NT5M: variants seen among roughly 807,000 people sequenced by gnomAD.
NT5M encodes the protein 5',3'-nucleotidase, mitochondrial, also known as 5'(3')-deoxyribonucleotidase, mitochondrial.
A neutral mutation model predicts 22.2 loss-of-function variants in NT5M; 22 were observed. That is an observed-to-expected ratio of 0.99 (90% CI 0.71 to 1.41). NT5M has a LOEUF of 1.41. Ranked by LOEUF, NT5M falls within the 40% of genes most tolerant of loss-of-function variation. The pLI, the probability that NT5M is intolerant of heterozygous loss-of-function variation, is 0.00. For synonymous variants in NT5M, 167 were observed against 133.0 expected, an observed-to-expected ratio of 1.26 and a Z score of -1.76; for missense variants, 322 against 314.8, an observed-to-expected ratio of 1.02 and a Z score of -0.17.
At chr17:17,315,659 G>T (rs2145345265) in intron 2 of NT5M, among the ~76,000 whole-genome samples, 1 of 151,744 alleles carries the variant, frequency 6.6e-6, no homozygotes, top group East Asian at 1.9e-4. Flanking sequence ...TGGACAGCTG[G>T]CACTGGAACT....
At chr17:17,338,724 GTA>G (rs2049575892) in intron 3 of NT5M, among the ~76,000 whole-genome samples, 1 of 86,312 alleles carries the variant, frequency 1.2e-5, no homozygotes, top group Admixed American at 1.1e-4. Context: ...AATGTCATTG[GTA>G]TTTTTTTTTT....
chr17:17,344,205 TA>T (rs2049708539), intron 3 of NT5M, among the ~76,000 whole-genome samples: 1 of 152,172 alleles, frequency 6.6e-6, no homozygotes, highest in South Asian at 2.1e-4. Flanking sequence ...CGCTGTGTGC[TA>T]GGGGTGCCCC....
chr17:17,322,184 A>G (rs2049164985), intron 2 of NT5M, among the ~76,000 whole-genome samples: 1 of 152,106 alleles, frequency 6.6e-6, no homozygotes, highest in Admixed American at 6.6e-5. Context: ...GTAACTGGCA[A>G]TGGTAGGTGA....
intron 3 of NT5M, among the ~76,000 whole-genome samples, chr17:17,333,868 C>CT (rs1448924426): frequency 1.0e-4 from 15 of 145,836 alleles, no homozygotes; most frequent in African/African-American, 3.8e-4. Context: ...GAGTCTCACT[C>CT]TGTCACCCAG....
At chr17:17,329,185 A>T (rs976446896) in intron 3 of NT5M, among the ~76,000 whole-genome samples, 10 of 152,090 alleles carry the variant, frequency 6.6e-5, no homozygotes, top group African/African-American at 2.4e-4. Flanking sequence ...TCACTGTGTT[A>T]GCCAGGATGG....
intron 1 of NT5M, among the ~76,000 whole-genome samples, chr17:17,305,757 A>G (rs1353192682): frequency 2.0e-5 from 3 of 152,000 alleles, no homozygotes; most frequent in African/African-American, 7.3e-5. Context: ...CTGACCCTAG[A>G]AAAGGTGCTG....
intron 2 of NT5M, among the ~76,000 whole-genome samples, chr17:17,321,757 G>A (rs921629668): frequency 1.3e-5 from 2 of 151,898 alleles, no homozygotes; most frequent in Non-Finnish European, 2.9e-5. Context: ...TGGAGGATGA[G>A]AAGCACAAGC....
At chr17:17,343,366 AGGTTGTCGTGGGT>A (rs67705411) in intron 3 of NT5M, among the ~76,000 whole-genome samples, 23 of 152,062 alleles carry the variant, frequency 1.5e-4, no homozygotes, top group Non-Finnish European at 2.9e-4. Flanking sequence ...CAGTGAGAGG[AGGTTGTCGTGGGT>A]GGGCGTGGCA....
intron 2 of NT5M, among the ~76,000 whole-genome samples, chr17:17,307,803 A>G (rs1050884764): frequency 2.6e-5 from 4 of 152,242 alleles, no homozygotes; most frequent in Non-Finnish European, 5.9e-5. Context: ...TTGCACGGTG[A>G]GCCAAGATCG....
intron 2 of NT5M, among the ~76,000 whole-genome samples, chr17:17,316,531 A>G (rs1028848223): frequency 1.3e-5 from 2 of 150,298 alleles, no homozygotes; most frequent in Non-Finnish European, 3.0e-5. Flanking sequence ...GCCCGCCACC[A>G]CACCTGGCTA....
chr17:17,316,097 C>A (rs2049022700), intron 2 of NT5M, among the ~76,000 whole-genome samples: 1 of 146,380 alleles, frequency 6.8e-6, no homozygotes, highest in African/African-American at 2.6e-5. Context: ...CTCTGTCCCC[C>A]AGGCTGTAGT....
chr17:17,308,692 C>T (rs1403602795), intron 2 of NT5M, among the ~76,000 whole-genome samples: 6 of 152,140 alleles, frequency 3.9e-5, no homozygotes, highest in Non-Finnish European at 5.9e-5. Context: ...TCATCATATC[C>T]GCTTCAGAGC....
chr17:17,341,353 G>A (rs2049637356), intron 3 of NT5M, among the ~76,000 whole-genome samples: 1 of 152,178 alleles, frequency 6.6e-6, no homozygotes, highest in South Asian at 2.1e-4. Context: ...GCAACACTGT[G>A]AGGAAACTGA....
rs59562287 is a variant in NT5M at position 17,322,083 on chromosome 17, A to G, written c.369-1102A>G. On this transcript the variant is annotated intron_variant, in intron 2 of 4. Coordinates refer to ENST00000389022, the MANE Select transcript of NT5M (RefSeq NM_020201.4). ...GATCTGTACCTATGCACACACATAT[A>G]TGTGGACATGTGTGTGTCAAGTCAC... Among the ~76,000 whole-genome samples, 881 of 152,174 alleles carry G rather than the reference A, an allele frequency of 5.8e-3. 6 individuals carry two copies. Among genetic ancestry groups the G allele is most frequent in the African/African-American group, 0.02 (840 of 41,500 alleles).
chr17:17,323,493 G>A (rs2049199100), intron 3 of NT5M, among the ~76,000 whole-genome samples: 1 of 152,254 alleles, frequency 6.6e-6, no homozygotes, highest in Non-Finnish European at 1.5e-5. Flanking sequence ...GGCCTTTGAA[G>A]GGTGAGAACC....
chr17:17,323,072 G>T, intron 2 of NT5M, 113 bp from the exon 3 acceptor site: 1 of 849,246 alleles, frequency 1.2e-6, no homozygotes, highest in Non-Finnish European at 2.1e-6. Flanking sequence ...CCACAGCAGG[G>T]GAAGGGTTCA....
intron 4 of NT5M, 45 bp from the exon 5 acceptor site, chr17:17,346,760 T>C (rs1354140142): frequency 4.4e-6 from 7 of 1,602,050 alleles, no homozygotes; most frequent in Non-Finnish European, 5.1e-6. Flanking sequence ...GCGGCTGCGC[T>C]CCAGGTCTCC....
intron 2 of NT5M, among the ~76,000 whole-genome samples, chr17:17,315,338 T>G (rs532392698): frequency 6.6e-6 from 1 of 152,268 alleles, no homozygotes; most frequent in East Asian, 1.9e-4. Flanking sequence ...ATAACACACC[T>G]AAGGTCTCCA....
chr17:17,344,114 C>T (rs1294970830), intron 3 of NT5M, among the ~76,000 whole-genome samples: 2 of 152,048 alleles, frequency 1.3e-5, no homozygotes, highest in East Asian at 1.9e-4. Flanking sequence ...TGCTCCCTGC[C>T]CCCCGGGGAG....
Sources: allele counts gnomAD v4.1 joint callset (sites outside exome capture counted in the v4.1 genomes callset), GRCh38; gene constraint gnomAD v4.1.1; transcripts MANE v1.5; gene names NCBI Gene and HGNC (gene_info 2026-07-23, HGNC 2026-07-21).